TNS1: variants seen among roughly 807,000 people sequenced by gnomAD.
TNS1 encodes tensin-1.
A neutral mutation model predicts 168.6 loss-of-function variants in TNS1; 62 were observed. The observed-to-expected ratio is 0.37, with a 90% CI of 0.30 to 0.45. The LOEUF (loss-of-function observed/expected upper bound fraction) is 0.45, where lower values mean the gene tolerates loss of function less well. Among genes scored for constraint, TNS1 ranks in the 20% least tolerant of loss-of-function variants. The pLI, the probability that TNS1 is intolerant of heterozygous loss-of-function variation, is 1.00. For synonymous variants in TNS1, 934 were observed against 933.2 expected (o/e 1.00, Z -0.02); for missense variants, 2,240 against 2,339.4 (o/e 0.96, Z 0.88).
At chr2:217,855,948 T>C (rs3791962) in intron 18 of TNS1, among the ~76,000 whole-genome samples, 45,127 of 152,016 alleles carry the variant, frequency 0.3, 6,880 homozygotes, top group Middle Eastern at 0.39. Flanking sequence ...GCCTACCCCA[T>C]GGCATCCCCT....
intron 16 of TNS1, among the ~76,000 whole-genome samples, chr2:217,884,240 T>C (rs1170665144): frequency 6.6e-6 from 1 of 151,350 alleles, no homozygotes; most frequent in Non-Finnish European, 1.5e-5. Context: ...AAGGGATGGA[T>C]TAATGGATGG....
intron 3 of TNS1, among the ~76,000 whole-genome samples, chr2:217,958,567 C>A (rs1299130311): frequency 1.3e-5 from 2 of 152,188 alleles, no homozygotes; most frequent in African/African-American, 4.8e-5. Context: ...CCATTTTCTC[C>A]AATCCCCACA....
At chr2:217,998,958 T>C (rs1958514965) in intron 1 of TNS1, among the ~76,000 whole-genome samples, 1 of 152,142 alleles carries the variant, frequency 6.6e-6, no homozygotes, top group Non-Finnish European at 1.5e-5. Context: ...TGCAAGCAGC[T>C]TGAAGAGAGC....
intron 6 of TNS1, among the ~76,000 whole-genome samples, chr2:217,901,063 C>T (rs1353388404): frequency 6.6e-6 from 1 of 152,120 alleles, no homozygotes; most frequent in East Asian, 1.9e-4. Flanking sequence ...GAGCCATGCT[C>T]CTGAGGGCCC....
At chr2:217,891,482 T>C (rs535661664) in intron 11 of TNS1, among the ~76,000 whole-genome samples, 1 of 152,070 alleles carries the variant, frequency 6.6e-6, no homozygotes, top group South Asian at 2.1e-4. Context: ...GGTACAGGAG[T>C]GCAGTAAAGG....
chr2:217,937,011 G>A, intron 3 of TNS1: 1 of 456,836 alleles, frequency 2.2e-6, no homozygotes. Flanking sequence ...GCCTTCCCCT[G>A]TGCCTGAAGA....
chr2:218,015,164 A>ACCCCTG (rs376442679), upstream of TNS1, among the ~76,000 whole-genome samples: 1,224 of 151,394 alleles, frequency 8.1e-3, 17 homozygotes, highest in African/African-American at 0.027. Flanking sequence ...TTAAACTTGA[A>ACCCCTG]CCCCTGCCCC....
At position 218,032,497 on chromosome 2, in the gene TNS1, G is replaced by A. The variant is rs913879723; in HGVS notation, c.156+1323C>T. Among the ~76,000 whole-genome samples the A allele has an allele frequency of 2.0e-5, 3 of 152,156 alleles. No individual in the cohort carries two copies. The highest frequency in any genetic ancestry group is 4.8e-5 in the African/African-American group (2 of 41,422). ...GGTCAAAGAGAGATGCTGGGCCTAC[G>A]GCAGGGCCTGGGGCAGGAATGGGGG... On this transcript the variant is annotated intron_variant, in intron 1 of 1. Coordinates refer to the TNS1 transcript ENST00000649572. This position sits in a 1 kb window ranked among gnomAD's most constrained non-coding sequence, Gnocchi z 4.0.
At chr2:217,829,050 T>C (rs1944014646) in intron 22 of TNS1, among the ~76,000 whole-genome samples, 1 of 152,092 alleles carries the variant, frequency 6.6e-6, no homozygotes, top group African/African-American at 2.4e-5. Context: ...CTGCTAATCC[T>C]CCTACAGTGC....
intron 3 of TNS1, chr2:217,937,074 A>G (rs1956647485): frequency 2.2e-6 from 1 of 453,668 alleles, no homozygotes; most frequent in Admixed American, 2.4e-5. Flanking sequence ...TTCAAAATCC[A>G]TCTCAAATGG....
chr2:217,808,054 G>T, intron 32 of TNS1, 21 bp downstream of exon 32: 1 of 1,613,110 alleles, frequency 6.2e-7, no homozygotes, highest in South Asian at 1.1e-5. Context: ...CTGCTGGGCA[G>T]GGGTAAGAAG....
chr2:217,968,469 A>G (rs898542923), intron 3 of TNS1, among the ~76,000 whole-genome samples: 21 of 152,334 alleles, frequency 1.4e-4, no homozygotes, highest in African/African-American at 5.1e-4. Flanking sequence ...AAAATCAATT[A>G]TATTTTCATA....
At position 217,880,987 on chromosome 2, in the gene TNS1, C is replaced by G; in HGVS notation, c.1340G>C (p.Ser447Thr). ...QGMEHLENGP[S>T]VSVDYNTSDP... is the part of the protein sequence containing the mutation. ...GGAGGTGTTATAGTCCACAGACACGCTCGGCCCGTTCTCCAGGTGCTCCAT... is the reference window on the plus strand; with the variant it reads ...GGAGGTGTTATAGTCCACAGACACGGTCGGCCCGTTCTCCAGGTGCTCCAT... Residue 447 changes from serine (S) to threonine (T), a missense_variant, in exon 18 of 33, where the codon AGC (serine) becomes ACC (threonine). By Grantham distance (58) the Ser-to-Thr change is moderately conservative (BLOSUM62 1). This residue lies in a region of TNS1 where 2,131 missense variants were observed against 2,171.2 expected (regional missense o/e 0.98). Coordinates refer to ENST00000682258, the MANE Select transcript of TNS1 (RefSeq NM_001387777.1). This position sits in a 1 kb window ranked among gnomAD's most constrained non-coding sequence, Gnocchi z 4.2. 6.2e-7 allele frequency: 1 copy of G among 1,614,098 alleles called. No individual in the cohort carries two copies. Among genetic ancestry groups the G allele is most frequent in the Non-Finnish European group, 8.5e-7 (1 of 1,180,010 alleles).
chr2:217,937,188 TCCCCTAC>T, intron 3 of TNS1: 1 of 373,284 alleles, frequency 2.7e-6, no homozygotes. Context: ...ACTCCCCTAC[TCCCCTAC>T]TCCCCCCACT....
At chr2:217,845,609 G>T (rs1486570675) in intron 19 of TNS1, among the ~76,000 whole-genome samples, 2 of 152,210 alleles carry the variant, frequency 1.3e-5, no homozygotes, top group Admixed American at 6.5e-5. Flanking sequence ...TGGCAACAGG[G>T]TTAGGGAATG....
At position 217,953,556 on chromosome 2, in the gene TNS1, C is replaced by T. The variant is rs752742282; in HGVS notation, c.186+25209G>A. Among the ~76,000 whole-genome samples, 156 of 152,230 alleles carry T rather than the reference C, an allele frequency of 1.0e-3. 2 individuals carry two copies. The highest frequency in any genetic ancestry group is 8.5e-4 in the Admixed American group (13 of 15,292). ...TTGTGAAAAACAAGTCTCTGGCCAG[C>T]GTTCAGGCCAATCATAGCCTGCCCT... is the stretch of plus-strand genomic sequence containing the variant. On this transcript the variant is annotated intron_variant, in intron 3 of 32. Coordinates refer to ENST00000682258, the MANE Select transcript of TNS1 (RefSeq NM_001387777.1).
chr2:217,960,280 G>A (rs1026885820), intron 3 of TNS1, among the ~76,000 whole-genome samples: 1 of 152,166 alleles, frequency 6.6e-6, no homozygotes, highest in African/African-American at 2.4e-5. Flanking sequence ...TCTTACATTT[G>A]AGGAAATTGA....
At chr2:217,910,563 G>T (rs949789920) in intron 4 of TNS1, among the ~76,000 whole-genome samples, 3 of 151,890 alleles carry the variant, frequency 2.0e-5, no homozygotes, top group African/African-American at 7.3e-5. Context: ...CCCAGGCCCT[G>T]CAGGGAGGCC....
At chr2:217,938,884 C>T (rs1330025315) in intron 3 of TNS1, among the ~76,000 whole-genome samples, 1 of 152,114 alleles carries the variant, frequency 6.6e-6, no homozygotes, top group Admixed American at 6.5e-5. Context: ...CAGAGAGAGA[C>T]AGAGTGGGGG....
Sources: gnomAD v4.1 joint callset for allele counts (sites outside exome capture counted in the v4.1 genomes callset) on GRCh38, gnomAD v4.1.1 for gene constraint, gnomAD v4.1.1 regional missense constraint, Gnocchi (gnomAD v3.1) non-coding constraint, MANE v1.5 for transcripts, NCBI Gene and HGNC (gene_info 2026-07-23, HGNC 2026-07-21) for gene names.